Variants in LYST observed in about 807,000 individuals in gnomAD.
LYST encodes the protein lysosomal-trafficking regulator.
LYST carries 192 observed loss-of-function variants against 413.6 expected under a neutral mutation model. The ratio of observed to expected loss-of-function variants is 0.46; its 90% confidence interval spans 0.41 to 0.52. LYST has a LOEUF of 0.52. Ranked by LOEUF, LYST falls within the 20% of genes least tolerant of loss-of-function variation. LYST has a pLI of 0.00. For synonymous variants in LYST, 1,525 were observed against 1,567.3 expected, an observed-to-expected ratio of 0.97 and a Z score of 0.64; for missense variants, 3,815 against 4,499.9, an observed-to-expected ratio of 0.85 and a Z score of 4.35.
chr1:235,753,337 G>C, intron 25 of LYST, 63 bp from the exon 26 acceptor site: 1 of 976,246 alleles, frequency 1.0e-6, no homozygotes, highest in South Asian at 1.3e-5. Context: ...AAATATGATA[G>C]CAACTATGGG....
chr1:235,767,470 G>C (rs1012636670), intron 20 of LYST, among the ~76,000 whole-genome samples: 1 of 152,030 alleles, frequency 6.6e-6, no homozygotes, highest in African/African-American at 2.4e-5. Flanking sequence ...TTCCAATTCA[G>C]AACTATTTCT....
intron 26 of LYST, 134 bp from the exon 27 acceptor site, chr1:235,752,305 T>C: frequency 3.1e-6 from 2 of 644,488 alleles, no homozygotes; most frequent in Non-Finnish European, 5.5e-6. Flanking sequence ...AGTCATTCAG[T>C]ATTTATTCAT....
In LYST at chr1:235,837,624, CAA is replaced by C. The variant is rs34107122; in HGVS notation, c.-97-3959_-97-3958del. The stretch of plus-strand genomic sequence containing the variant: ...CCTGGGTAAGAGTGAGACCCTGTTT[CAA>C]AAAAAAAAAAAAAAGAATTCTGAGA... On this transcript the variant is annotated intron_variant, in intron 1 of 52. Transcript: ENST00000389793. Among the ~76,000 whole-genome samples, 404 of 121,348 alleles carry C rather than the reference CAA, an allele frequency of 3.3e-3. 1 individual carries two copies. Among genetic ancestry groups the C allele is most frequent in the Non-Finnish European group, 4.1e-3 (227 of 55,800 alleles). The allele number at this position is 121,348 out of a possible 152,430, so 79.6% of individuals were successfully genotyped here.
At chr1:235,738,730 T>C (rs1211724794) in intron 31 of LYST, 32 of 1,498,864 alleles carry the variant, frequency 2.1e-5, no homozygotes, top group South Asian at 1.4e-4. Context: ...GTGATCAAAC[T>C]CAAAGGCTAC....
At chr1:235,821,850 A>G (rs1327116254) in intron 3 of LYST, among the ~76,000 whole-genome samples, 1 of 152,204 alleles carries the variant, frequency 6.6e-6, no homozygotes, top group Non-Finnish European at 1.5e-5. Flanking sequence ...GCAGGCAAAG[A>G]GTGGTTATTA....
intron 39 of LYST, among the ~76,000 whole-genome samples, chr1:235,723,276 G>A (rs1362974993): frequency 1.3e-5 from 2 of 152,198 alleles, no homozygotes; most frequent in African/African-American, 2.4e-5. Flanking sequence ...GACATCAGTC[G>A]GGAGTTACAA....
chr1:235,694,011 CTTT>C (rs11389709), intron 46 of LYST, among the ~76,000 whole-genome samples: 7 of 135,594 alleles, frequency 5.2e-5, no homozygotes, highest in Admixed American at 1.5e-4. Context: ...TCTTCTTCTT[CTTT>C]TTTTTTTTTT....
intron 10 of LYST, among the ~76,000 whole-genome samples, chr1:235,798,825 G>C (rs938565411): frequency 6.6e-6 from 1 of 152,068 alleles, no homozygotes; most frequent in South Asian, 2.1e-4. Context: ...AGAAGAATCC[G>C]TGCAGGGGAG....
At chr1:235,708,345 T>G (rs532783424) in intron 44 of LYST, among the ~76,000 whole-genome samples, 1 of 152,308 alleles carries the variant, frequency 6.6e-6, no homozygotes, top group South Asian at 2.1e-4. Flanking sequence ...TGGTGCCATT[T>G]TAAAGTAGAA....
At chr1:235,676,618 T>A (rs28718354) in intron 50 of LYST, among the ~76,000 whole-genome samples, 12,202 of 152,224 alleles carry the variant, frequency 0.08, 1,584 homozygotes, top group African/African-American at 0.27. Flanking sequence ...TGCTCGGCTC[T>A]CTGGGGTACC....
Position 235,746,330 on chromosome 1 carries a change from T to C in LYST, c.7972+6A>G. The stretch of plus-strand genomic sequence containing the variant: ...GAGGAAAAACAAACTAATCCTATAG[T>C]CTTACCTTGATAAATAATCCTGTTG... On this transcript the variant is annotated splice_donor_region_variant and intron_variant, in intron 29 of 52. Coordinates refer to ENST00000389793, the MANE Select transcript of LYST (RefSeq NM_000081.4). 1 of 1,611,376 alleles carries C rather than the reference T, an allele frequency of 6.2e-7. No individual in the cohort carries two copies. Among genetic ancestry groups the C allele is most frequent in the Non-Finnish European group, 8.5e-7 (1 of 1,177,602 alleles).
intron 37 of LYST, among the ~76,000 whole-genome samples, chr1:235,729,065 T>C (rs189443497): frequency 8.5e-4 from 129 of 152,328 alleles, no homozygotes; most frequent in African/African-American, 3.0e-3. Flanking sequence ...AGCATACAGA[T>C]TGATTCTTTA....
In LYST at chr1:235,762,750, G is replaced by C. The variant is rs1193602929; in HGVS notation, c.6223C>G (p.Pro2075Ala). The change falls in exon 22 of 53, where the codon CCA becomes GCA. Residue 2075 changes from proline to alanine, a missense_variant. This residue lies in a region of LYST where 530 missense variants were observed against 696.5 expected (regional missense o/e 0.76). Transcript: ENST00000389793. ...LMSPGFMVISPSGFTASPYEG... is the reference protein window; with the variant it reads ...LMSPGFMVISASGFTASPYEG... ...TATGGTGAAGCAGTAAAACCAGATG[G>C]GCTTATTACCATAAATCCAGGGCTC... The C allele has an allele frequency of 6.2e-7, 1 of 1,613,224 alleles. No individual in the cohort carries two copies. Among genetic ancestry groups the C allele is most frequent in the Non-Finnish European group, 8.5e-7 (1 of 1,179,524 alleles).
chr1:235,866,500 C>T (rs1381142485), intron 1 of LYST, among the ~76,000 whole-genome samples: 1 of 152,238 alleles, frequency 6.6e-6, no homozygotes, highest in Non-Finnish European at 1.5e-5. Context: ...CCGCCGTCAG[C>T]CTGCTCGACC....
intron 12 of LYST, among the ~76,000 whole-genome samples, chr1:235,790,159 A>G (rs1300501361): frequency 1.3e-5 from 2 of 152,218 alleles, no homozygotes; most frequent in Admixed American, 6.5e-5. Flanking sequence ...TACTTTTCTC[A>G]GGTCACTATG....
At chr1:235,822,451 C>T (rs146535813) in intron 3 of LYST, among the ~76,000 whole-genome samples, 243 of 152,206 alleles carry the variant, frequency 1.6e-3, no homozygotes, top group African/African-American at 5.4e-3. Context: ...AGGGCATATG[C>T]GGAGCAGATA....
At position 235,759,604 on chromosome 1, in the gene LYST, T is replaced by C. The variant is rs1458018195; in HGVS notation, c.6254-5A>G. The C allele has an allele frequency of 5.0e-6, 8 of 1,608,562 alleles. No individual in the cohort carries two copies. The highest frequency in any genetic ancestry group is 6.8e-6 in the Non-Finnish European group (8 of 1,175,272). On this transcript the variant is annotated splice_polypyrimidine_tract_variant and splice_region_variant and intron_variant, in intron 22 of 52. Transcript: ENST00000389793. ...TAATATTAGAGGAATTCTCTCCTGG[T>C]AAGAGTAGATACAAAAATACTACTT... is the stretch of plus-strand genomic sequence containing the variant.
intron 1 of LYST, among the ~76,000 whole-genome samples, chr1:235,858,260 A>G (rs900719933): frequency 3.3e-5 from 5 of 152,186 alleles, no homozygotes; most frequent in Admixed American, 6.5e-5. Context: ...AAGTTACTCA[A>G]TCTCACTGAG....
At position 235,805,853 on chromosome 1, in the gene LYST, C is replaced by T. The variant is rs1444650346; in HGVS notation, c.3283G>A (p.Glu1095Lys). The change falls in exon 6 of 53, where the codon GAA becomes AAA. Residue 1095 changes from glutamate to lysine, a missense_variant. Physicochemically the swap from Glu to Lys is moderately conservative, Grantham distance 56. Transcript: ENST00000389793. Reference sequence around the variant, plus strand: ...ATACTTTGAAGTGAGGTCTCACTTTCTTGACTTGTAAATAGCTTTGCTTCC... The same window carrying T: ...ATACTTTGAAGTGAGGTCTCACTTTTTTGACTTGTAAATAGCTTTGCTTCC... ...PEEAKLFTSQ[E>K]SETSLQSIRL... is the part of the protein sequence containing the mutation. The T allele has an allele frequency of 1.2e-6, 2 of 1,613,650 alleles. No homozygotes were observed. The highest frequency in any genetic ancestry group is 1.7e-6 in the Non-Finnish European group (2 of 1,179,802).
Sources: gnomAD v4.1 joint callset for allele counts (sites outside exome capture counted in the v4.1 genomes callset) on GRCh38, gnomAD v4.1.1 for gene constraint, gnomAD v4.1.1 regional missense constraint, MANE v1.5 for transcripts, NCBI Gene and HGNC (gene_info 2026-07-23, HGNC 2026-07-21) for gene names.